The following DISC1 variants were observed in gnomAD, a reference collection of about 807,000 sequenced individuals.
DISC1 encodes the protein disrupted in schizophrenia 1 protein.
In DISC1, 57 loss-of-function variants were observed where a neutral mutation model predicts 84.5. That is an observed-to-expected ratio of 0.67 (90% CI 0.55 to 0.84). DISC1 has a LOEUF of 0.84. DISC1 is among the 40% of genes least tolerant of loss of function. The pLI is 0.00. For missense variants in DISC1, 1,000 were observed against 1,057.8 expected, an observed-to-expected ratio of 0.95 and a Z score of 0.76; for synonymous variants, 411 against 415.2, an observed-to-expected ratio of 0.99 and a Z score of 0.12.
chr1:231,715,478 T>C (rs558259480), intron 3 of DISC1, among the ~76,000 whole-genome samples: 16 of 152,228 alleles, frequency 1.1e-4, no homozygotes, highest in African/African-American at 3.9e-4. Context: ...CAGAGACTTT[T>C]GTCTGATCTT....
At chr1:231,866,486 C>T (rs139013297) in intron 9 of DISC1, 6 of 783,956 alleles carry the variant, frequency 7.7e-6, no homozygotes, top group Admixed American at 5.1e-5. Flanking sequence ...CAGGCACTTT[C>T]GAAGTCCTTA....
chr1:231,647,536 A>G (rs977643683), intron 1 of DISC1, among the ~76,000 whole-genome samples: 6 of 152,224 alleles, frequency 3.9e-5, no homozygotes, highest in African/African-American at 1.4e-4. Context: ...TGTTTTGGCA[A>G]TGCAGGCTCT....
Position 231,675,855 on chromosome 1 carries a change from T to C in DISC1, c.68-17971T>C, listed in dbSNP as rs1022414545. Among the ~76,000 whole-genome samples the C allele has an allele frequency of 6.6e-6, 1 of 150,714 alleles. No homozygotes were observed. Among genetic ancestry groups the C allele is most frequent in the Non-Finnish European group, 1.5e-5 (1 of 67,598 alleles). On this transcript the variant is annotated intron_variant, in intron 1 of 12. Transcript: ENST00000439617. The surrounding 1 kb of genome is among the most constrained non-coding windows in gnomAD (Gnocchi z 4.1). ...ATTGTATTTGTTTTTTCTTTTCTTT[T>C]TTTTTTTTTTTTGACACAGAATTCC... is the stretch of plus-strand genomic sequence containing the variant.
intron 1 of DISC1, among the ~76,000 whole-genome samples, chr1:231,668,744 A>C (rs1167043394): frequency 6.6e-6 from 1 of 152,236 alleles, no homozygotes; most frequent in Non-Finnish European, 1.5e-5. Context: ...GATACCAAAA[A>C]AGAATAAAAG....
chr1:231,898,202 ATAATATTTCTTAC>A (rs2087859136), intron 9 of DISC1, among the ~76,000 whole-genome samples: 1 of 152,234 alleles, frequency 6.6e-6, no homozygotes, highest in Admixed American at 6.5e-5. Flanking sequence ...AATGGTTATA[ATAATATTTCTTAC>A]AATTACACAT....
At chr1:231,674,276 T>C (rs2062917475) in intron 1 of DISC1, among the ~76,000 whole-genome samples, 2 of 152,166 alleles carry the variant, frequency 1.3e-5, no homozygotes, top group African/African-American at 4.8e-5. Flanking sequence ...CCCTCTCTGA[T>C]TTTTTTCTGC....
chr1:231,702,256 CACTT>C lies in DISC1; in HGVS notation c.1117+234_1117+237del, dbSNP rs1411146235. On this transcript the variant is annotated intron_variant, in intron 3 of 12. Coordinates refer to ENST00000439617, the MANE Select transcript of DISC1 (RefSeq NM_018662.3). ...TATAACCTTATCAATTGTCCAGAAA[CACTT>C]AGCATACTCACACAATAAAAATTAT... 13 of 1,224,234 alleles carry C rather than the reference CACTT, an allele frequency of 1.1e-5. No individual in the cohort carries two copies. The East Asian group carries it at 5.7e-4, about 53-fold the overall frequency. The allele number at this position is 1,224,234 out of a possible 1,614,324, so 75.8% of individuals were successfully genotyped here. A position where few individuals can be genotyped will look rare whatever the true frequency, so the allele number is the denominator to read the frequency against.
intron 10 of DISC1, among the ~76,000 whole-genome samples, chr1:231,994,759 G>A (rs200632111): frequency 7.2e-5 from 11 of 152,118 alleles, no homozygotes; most frequent in Admixed American, 2.6e-4. Flanking sequence ...TTGTCTGGCA[G>A]GTTGAGTTTT....
At chr1:231,681,571 A>C (rs2063697511) in intron 1 of DISC1, among the ~76,000 whole-genome samples, 1 of 152,100 alleles carries the variant, frequency 6.6e-6, no homozygotes, top group South Asian at 2.1e-4. Flanking sequence ...TTATTCATGA[A>C]TTGAAAATAA....
At chr1:231,881,139 G>C (rs554994134) in intron 9 of DISC1, among the ~76,000 whole-genome samples, 1 of 152,268 alleles carries the variant, frequency 6.6e-6, no homozygotes, top group East Asian at 1.9e-4. Flanking sequence ...CCATGCTGTG[G>C]GCAAGAGAAG....
chr1:231,641,760 A>G (rs1218002104), intron 1 of DISC1, among the ~76,000 whole-genome samples: 2 of 152,148 alleles, frequency 1.3e-5, no homozygotes, highest in Non-Finnish European at 2.9e-5. Context: ...CTAGATACAG[A>G]GTGTCCATTG....
At chr1:231,784,401 A>AG (rs1380076614) in intron 6 of DISC1, among the ~76,000 whole-genome samples, 1 of 152,218 alleles carries the variant, frequency 6.6e-6, no homozygotes, top group Non-Finnish European at 1.5e-5. Context: ...TCAGAGAAAT[A>AG]GGGAGAATGT....
At chr1:231,694,870 G>A (rs1035003355) in intron 2 of DISC1, 65 bp downstream of exon 2, 31 of 1,581,232 alleles carry the variant, frequency 2.0e-5, no homozygotes, top group Middle Eastern at 1.7e-4. Flanking sequence ...CTGGGCAGAC[G>A]GCAGGAAACG....
At chr1:231,656,867 T>C (rs1204991092) in intron 1 of DISC1, among the ~76,000 whole-genome samples, 1 of 152,240 alleles carries the variant, frequency 6.6e-6, no homozygotes, top group Non-Finnish European at 1.5e-5. Context: ...CACTTATAGA[T>C]GAGAGCATGC....
At chr1:231,775,359 T>C (rs527583351) in intron 6 of DISC1, among the ~76,000 whole-genome samples, 1 of 152,340 alleles carries the variant, frequency 6.6e-6, no homozygotes, top group African/African-American at 2.4e-5. Context: ...TTTCTGACTG[T>C]GGCTTGTTGG....
intron 6 of DISC1, among the ~76,000 whole-genome samples, chr1:231,780,258 G>GAAAA: frequency 7.1e-6 from 1 of 139,986 alleles, no homozygotes; most frequent in East Asian, 2.2e-4. Context: ...AAAAGAAAAG[G>GAAAA]AAAGAATGAA....
At chr1:231,759,317 G>C (rs76321726) in intron 4 of DISC1, among the ~76,000 whole-genome samples, 1 of 152,072 alleles carries the variant, frequency 6.6e-6, no homozygotes, top group Admixed American at 6.5e-5. Flanking sequence ...AAGATACACT[G>C]TATGAGACCA....
intron 11 of DISC1, among the ~76,000 whole-genome samples, chr1:232,024,952 A>G (rs939131192): frequency 1.3e-4 from 20 of 152,140 alleles, no homozygotes; most frequent in African/African-American, 3.9e-4. Context: ...TATTATCTTT[A>G]CATTTAAGTT....
intron 11 of DISC1, among the ~76,000 whole-genome samples, chr1:232,017,628 T>G (rs1294705334): frequency 6.6e-6 from 1 of 152,070 alleles, no homozygotes; most frequent in Non-Finnish European, 1.5e-5. Context: ...GGGTAAGCAG[T>G]TGAGTCACGG....
Sources: gnomAD v4.1 joint callset for allele counts (sites outside exome capture counted in the v4.1 genomes callset) on GRCh38, gnomAD v4.1.1 for gene constraint, Gnocchi (gnomAD v3.1) non-coding constraint, MANE v1.5 for transcripts, NCBI Gene and HGNC (gene_info 2026-07-23, HGNC 2026-07-21) for gene names.